The following RALGDS variants were observed in gnomAD, a reference collection of about 807,000 sequenced individuals.
The protein encoded by RALGDS is ral guanine nucleotide exchange factor.
RALGDS carries 44 observed loss-of-function variants against 99.8 expected under a neutral mutation model. The observed-to-expected ratio is 0.44, with a 90% CI of 0.35 to 0.57. The LOEUF is 0.57. RALGDS is among the 20% of genes least tolerant of loss of function. The pLI, the probability that RALGDS is intolerant of heterozygous loss-of-function variation, is 0.01. For missense variants in RALGDS, 1,022 were observed against 1,203.1 expected (o/e 0.85, Z 2.23); for synonymous variants, 529 against 505.0 (o/e 1.05, Z -0.64).
chr9:133,098,357 T>A lies in RALGDS; in HGVS notation c.*230A>T, dbSNP rs1830594333. On this transcript the variant is annotated 3_prime_UTR_variant, in exon 18 of 18. Coordinates refer to ENST00000372050, the MANE Select transcript of RALGDS (RefSeq NM_006266.4). ...CTGCTCCTTGGCAAAAGTCAGCTAG[T>A]CCTCTGGTTCCAGAGAGCAGAAGGC... 1.2e-5 allele frequency: 7 copies of A among 573,676 alleles called. No individual in the cohort carries two copies. The highest frequency in any genetic ancestry group is 1.2e-5 in the Non-Finnish European group (4 of 320,416). 35.5% of individuals were successfully genotyped at this position (573,676 alleles called of 1,614,324 possible). A position where few individuals can be genotyped will look rare whatever the true frequency, so the allele number is the denominator to read the frequency against.
rs560836587 is a variant in RALGDS, at chr9:133,116,347, C to T, written c.184-4195G>A. Among the ~76,000 whole-genome samples the T allele has an allele frequency of 2.0e-5, 3 of 152,376 alleles. No individual in the cohort carries two copies. In the South Asian group the frequency reaches 6.2e-4, roughly 32 times the overall value. On this transcript the variant is annotated intron_variant, in intron 1 of 17. Transcript: ENST00000372050. Reference sequence around the variant, plus strand: ...GCGGTGCCTGCCCACCAGGATGCTCCCTGGCCTCAGAAAGTGGAGGCTGGG... The same window carrying T: ...GCGGTGCCTGCCCACCAGGATGCTCTCTGGCCTCAGAAAGTGGAGGCTGGG...
chr9:133,141,706 C>T (rs1260401341), intron 1 of RALGDS, among the ~76,000 whole-genome samples: 1 of 152,242 alleles, frequency 6.6e-6, no homozygotes, highest in Non-Finnish European at 1.5e-5. Flanking sequence ...ACTCTCCTGC[C>T]CCAAGGCCCC....
chr9:133,143,774 C>T (rs586376), intron 1 of RALGDS, among the ~76,000 whole-genome samples: 74,929 of 110,970 alleles, frequency 0.68, 24,543 homozygotes, highest in East Asian at 0.84. Flanking sequence ...ATAATAATAA[C>T]AACAACAACA....
chr9:133,098,513 G>T lies in RALGDS; in HGVS notation c.*74C>A. 1 of 1,517,908 alleles carries T rather than the reference G, an allele frequency of 6.6e-7. No individual in the cohort carries two copies. The highest frequency in any genetic ancestry group is 9.1e-7 in the Non-Finnish European group (1 of 1,100,940). The allele number at this position is 1,517,908 out of a possible 1,614,324, so 94.0% of individuals were successfully genotyped here. On this transcript the variant is annotated 3_prime_UTR_variant, in exon 18 of 18. Coordinates refer to ENST00000372050, the MANE Select transcript of RALGDS (RefSeq NM_006266.4). ...CCCTGGGCTGGCAGGTGGGAGGAAGGCGCCCAGCTGGCCTGGGCCACTCTG... is the reference window on the plus strand; with the variant it reads ...CCCTGGGCTGGCAGGTGGGAGGAAGTCGCCCAGCTGGCCTGGGCCACTCTG...
intron 1 of RALGDS, among the ~76,000 whole-genome samples, chr9:133,120,106 AG>A (rs916646215): frequency 6.6e-6 from 1 of 152,096 alleles, no homozygotes; most frequent in South Asian, 2.1e-4. Flanking sequence ...GAGCAGGGCG[AG>A]GGGGGCATCT....
In RALGDS at chr9:133,109,698, G is replaced by A. The variant is rs760546770; in HGVS notation, c.512C>T (p.Thr171Met). 17 of 1,613,870 alleles carry A rather than the reference G, an allele frequency of 1.1e-5. No individual in the cohort carries two copies. The highest frequency in any genetic ancestry group is 8.9e-5 in the East Asian group (4 of 44,882). The change falls in exon 4 of 18, where the codon ACG becomes ATG. Residue 171 changes from threonine (T) to methionine (M), a missense_variant. This residue lies in a region of RALGDS where 825 missense variants were observed against 994.5 expected (regional missense o/e 0.83). Transcript: ENST00000372050. ...GATGCAGCCGTATCTAGAGGAGGCC[G>A]TGAGGGCGTCACATCTACCGTACCT... ...FKRYGRCDALTASSRYGCILP... is the reference protein window; with the variant it reads ...FKRYGRCDALMASSRYGCILP...
intron 9 of RALGDS, among the ~76,000 whole-genome samples, chr9:133,105,691 A>ACCC (rs2119141129): frequency 6.6e-6 from 1 of 152,184 alleles, no homozygotes; most frequent in South Asian, 2.1e-4. Flanking sequence ...CTCCACTGCT[A>ACCC]CCCTTACTGT....
In RALGDS at chr9:133,112,243, CA is replaced by C. The variant is rs1411459072; in HGVS notation, c.184-92del. The stretch of plus-strand genomic sequence containing the variant: ...GGATGCACCTGTGTAACCTGTTTCC[CA>C]GATAGGGCACAGACTGGCGGCTGCA... On this transcript the variant is annotated intron_variant, in intron 1 of 17. Coordinates refer to ENST00000372050, the MANE Select transcript of RALGDS (RefSeq NM_006266.4). 8.4e-6 allele frequency: 7 copies of C among 837,806 alleles called. No individual in the cohort carries two copies. The African/African-American group carries it at 1.2e-4, about 14-fold the overall frequency. The allele number at this position is 837,806 out of a possible 1,614,324, so 51.9% of individuals were successfully genotyped here. A position where few individuals can be genotyped will look rare whatever the true frequency, so the allele number is the denominator to read the frequency against.
At chr9:133,104,130 G>A (rs1412411143) in intron 10 of RALGDS, 133 bp downstream of exon 10, 3 of 956,284 alleles carry the variant, frequency 3.1e-6, no homozygotes, top group Non-Finnish European at 4.8e-6. Context: ...AGCTGATCCA[G>A]GTGTGGCTCT....
chr9:133,109,295 C>T (rs1336855643), intron 4 of RALGDS, among the ~76,000 whole-genome samples: 1 of 152,176 alleles, frequency 6.6e-6, no homozygotes, highest in African/African-American at 2.4e-5. Context: ...AGGGGTGAGG[C>T]AATGTGAGAG....
At chr9:133,127,146 G>T (rs2119238088) in intron 1 of RALGDS, among the ~76,000 whole-genome samples, 1 of 152,376 alleles carries the variant, frequency 6.6e-6, no homozygotes, top group East Asian at 1.9e-4. Context: ...TACCTGAGAG[G>T]CAGATCATAA....
At chr9:133,142,642 C>G (rs898060008) in intron 1 of RALGDS, among the ~76,000 whole-genome samples, 5 of 152,144 alleles carry the variant, frequency 3.3e-5, no homozygotes, top group Non-Finnish European at 7.4e-5. Context: ...TATGGGGGGG[C>G]CCACATACCC....
At chr9:133,110,529 C>T in intron 2 of RALGDS, 40 bp from the exon 3 acceptor site, 4 of 1,548,790 alleles carry the variant, frequency 2.6e-6, no homozygotes, top group Middle Eastern at 1.7e-4. Flanking sequence ...TCAGTGGCAG[C>T]ACACGAATCT....
In RALGDS at chr9:133,103,243, T is replaced by G; in HGVS notation, c.1778A>C (p.Glu593Ala). Residue 593 changes from glutamate to alanine, a missense_variant, in exon 12 of 18, where the codon GAG becomes GCG. Transcript: ENST00000372050. ...GCAGCTGCTTACCTTCCTCCTCTTC[T>G]CAAAGTTGATGAGTCTGCCCTGGAA... ...DYLYGRLINF[E>A]KRRKEFEVIA... is the part of the protein sequence containing the mutation. 6.2e-7 allele frequency: 1 copy of G among 1,613,876 alleles called. No homozygotes were observed. The highest frequency in any genetic ancestry group is 8.5e-7 in the Non-Finnish European group (1 of 1,179,992).
intron 1 of RALGDS, among the ~76,000 whole-genome samples, chr9:133,128,852 C>T (rs1003284558): frequency 1.5e-4 from 23 of 152,312 alleles, no homozygotes; most frequent in African/African-American, 3.4e-4. Flanking sequence ...ACCCTCTGGA[C>T]GGAGCTGCCA....
chr9:133,138,840 A>G (rs625067), intron 1 of RALGDS, among the ~76,000 whole-genome samples: 91,435 of 151,988 alleles, frequency 0.6, 27,590 homozygotes, highest in East Asian at 0.68. Flanking sequence ...TCACCGTGTT[A>G]GCCAGGCTGG....
Position 133,130,431 on chromosome 9 carries a change from C to T in RALGDS, c.132+521G>A, listed in dbSNP as rs572033225. On this transcript the variant is annotated intron_variant, in intron 1 of 17. Transcript: ENST00000372062. ...ACCCGGCCACAAGATTTCATTTTAA[C>T]TGGGCGCAGGGGTGGGGGATGCCAA... is the stretch of plus-strand genomic sequence containing the variant. Among the ~76,000 whole-genome samples, 171 of 152,220 alleles carry T rather than the reference C, an allele frequency of 1.1e-3. 1 individual carries two copies. The highest frequency in any genetic ancestry group is 4.0e-3 in the African/African-American group (166 of 41,526).
chr9:133,099,006 G>T (rs890135488), intron 17 of RALGDS: 2 of 505,198 alleles, frequency 4.0e-6, no homozygotes, highest in African/African-American at 3.9e-5. Flanking sequence ...CCCCCGGCTT[G>T]GCCTGAGCTG....
intron 3 of RALGDS, 49 bp from the exon 4 acceptor site, chr9:133,109,770 G>C (rs1217184664): frequency 6.6e-7 from 1 of 1,517,522 alleles, no homozygotes; most frequent in South Asian, 1.1e-5. Context: ...CTAGAACGGA[G>C]GCCCAGGAGG....
Sources: allele counts gnomAD v4.1 joint callset (sites outside exome capture counted in the v4.1 genomes callset), GRCh38; gene constraint gnomAD v4.1.1; regional missense constraint gnomAD v4.1.1; transcripts MANE v1.5; gene names NCBI Gene and HGNC (gene_info 2026-07-23, HGNC 2026-07-21).